The following MACROD2 variants were observed in gnomAD, a reference collection of about 807,000 sequenced individuals.
MACROD2 encodes the protein mono-ADP ribosylhydrolase 2, also known as ADP-ribose glycohydrolase MACROD2.
MACROD2 carries 36 observed loss-of-function variants against 70.4 expected under a neutral mutation model. The observed-to-expected ratio is 0.51, with a 90% CI of 0.39 to 0.68. The LOEUF is 0.68. Ranked by LOEUF, MACROD2 falls within the 30% of genes least tolerant of loss-of-function variation. MACROD2 has a pLI of 0.00. For synonymous variants in MACROD2, 172 were observed against 178.8 expected, an observed-to-expected ratio of 0.96 and a Z score of 0.30; for missense variants, 496 against 538.4, an observed-to-expected ratio of 0.92 and a Z score of 0.78.
chr20:14,836,056 A>C (rs1463773528), intron 5 of MACROD2, among the ~76,000 whole-genome samples: 1 of 152,068 alleles, frequency 6.6e-6, no homozygotes, highest in Non-Finnish European at 1.5e-5. Flanking sequence ...TCCCCCAAAG[A>C]GTAGATTATT....
At chr20:15,653,778 T>C (rs2049683043) in intron 8 of MACROD2, among the ~76,000 whole-genome samples, 1 of 152,136 alleles carries the variant, frequency 6.6e-6, no homozygotes, top group Non-Finnish European at 1.5e-5. Flanking sequence ...CAAGACATCC[T>C]CTTTCTGGGA....
intron 8 of MACROD2, among the ~76,000 whole-genome samples, chr20:15,501,994 T>G (rs2047370693): frequency 6.6e-6 from 1 of 152,204 alleles, no homozygotes. Flanking sequence ...TAAATATTTA[T>G]TGACTCCCCC....
intron 2 of MACROD2, among the ~76,000 whole-genome samples, chr20:14,046,511 C>CTT (rs1221848999): frequency 2.0e-5 from 3 of 152,078 alleles, no homozygotes; most frequent in Admixed American, 6.5e-5. Context: ...TTCAGTATGC[C>CTT]TTTCTCCAGT....
chr20:15,900,610 G>T (rs1343430379), intron 10 of MACROD2, among the ~76,000 whole-genome samples: 1 of 152,176 alleles, frequency 6.6e-6, no homozygotes, highest in Admixed American at 6.5e-5. Context: ...TGTGAGAAGG[G>T]CTGAATCTAC....
chr20:14,169,597 C>A (rs1308601892), intron 3 of MACROD2, among the ~76,000 whole-genome samples: 1 of 152,108 alleles, frequency 6.6e-6, no homozygotes, highest in African/African-American at 2.4e-5. Flanking sequence ...AGCCACTGCA[C>A]CTGGCCAATT....
intron 8 of MACROD2, among the ~76,000 whole-genome samples, chr20:15,797,317 G>A (rs990486891): frequency 6.6e-6 from 1 of 152,126 alleles, no homozygotes; most frequent in African/African-American, 2.4e-5. Flanking sequence ...GGGTTTCACC[G>A]AGTTAGCCAG....
chr20:14,454,875 C>T (rs2084283693), intron 3 of MACROD2, among the ~76,000 whole-genome samples: 1 of 151,786 alleles, frequency 6.6e-6, no homozygotes, highest in Non-Finnish European at 1.5e-5. Context: ...GCCTCAGCCT[C>T]CCTAGTAGCT....
At chr20:15,144,913 A>G (rs1004670622) in intron 5 of MACROD2, among the ~76,000 whole-genome samples, 1 of 152,140 alleles carries the variant, frequency 6.6e-6, no homozygotes, top group Non-Finnish European at 1.5e-5. Context: ...TACCATACTT[A>G]CTATAGTACT....
chr20:15,658,601 G>A (rs1189010545), intron 8 of MACROD2, among the ~76,000 whole-genome samples: 7 of 152,168 alleles, frequency 4.6e-5, no homozygotes, highest in Admixed American at 6.5e-5. Context: ...AGTGGTCATC[G>A]TGTCAGAATC....
chr20:14,885,857 G>T (rs1268644746), intron 5 of MACROD2, among the ~76,000 whole-genome samples: 1 of 152,134 alleles, frequency 6.6e-6, no homozygotes, highest in African/African-American at 2.4e-5. Flanking sequence ...CCTCTGGGAA[G>T]AATTTTATGA....
chr20:14,690,188 G>A (rs1176406346), intron 5 of MACROD2, among the ~76,000 whole-genome samples: 2 of 152,158 alleles, frequency 1.3e-5, no homozygotes, highest in South Asian at 4.1e-4. Flanking sequence ...AGGCTTCAGG[G>A]CTGAATAGTC....
intron 8 of MACROD2, among the ~76,000 whole-genome samples, chr20:15,693,720 A>T (rs966545591): frequency 6.6e-6 from 1 of 152,026 alleles, no homozygotes; most frequent in African/African-American, 2.4e-5. Flanking sequence ...AAAAATTATT[A>T]TTATTATTTT....
Position 15,135,355 on chromosome 20 carries a change from G to C in MACROD2, c.419-94585G>C, listed in dbSNP as rs1020609011. The stretch of plus-strand genomic sequence containing the variant: ...AGCGAATCCAGCAGCACATGAAAAA[G>C]CTTATCCACCATGATCAAGTGGGCT... On this transcript the variant is annotated intron_variant, in intron 5 of 17. Transcript: ENST00000684519. Among the ~76,000 whole-genome samples, 1,193 of 151,968 alleles carry C rather than the reference G, an allele frequency of 7.9e-3. 20 individuals are homozygous for C. The highest frequency in any genetic ancestry group is 0.027 in the African/African-American group (1,137 of 41,446).
chr20:15,235,332 C>T (rs2077004402), intron 6 of MACROD2, among the ~76,000 whole-genome samples: 1 of 152,108 alleles, frequency 6.6e-6, no homozygotes, highest in East Asian at 1.9e-4. Flanking sequence ...TGTATGCTAC[C>T]TGTGATTTCC....
intron 8 of MACROD2, among the ~76,000 whole-genome samples, chr20:15,850,221 T>A (rs1484527274): frequency 6.6e-6 from 1 of 152,010 alleles, no homozygotes; most frequent in Non-Finnish European, 1.5e-5. Context: ...AGCATCACCC[T>A]GGGAAACCAG....
At chr20:14,394,246 A>G (rs577236556) in intron 3 of MACROD2, among the ~76,000 whole-genome samples, 1 of 152,338 alleles carries the variant, frequency 6.6e-6, no homozygotes, top group Admixed American at 6.5e-5. Flanking sequence ...ACCCATGAAG[A>G]TGGAGTTGCT....
intron 3 of MACROD2, among the ~76,000 whole-genome samples, chr20:14,171,159 T>A (rs1313725336): frequency 2.6e-5 from 4 of 152,076 alleles, no homozygotes; most frequent in Admixed American, 2.6e-4. Flanking sequence ...CTTGAATGAC[T>A]TTTTTTGTAT....
chr20:15,056,911 T>C (rs1018553955), intron 5 of MACROD2, among the ~76,000 whole-genome samples: 2 of 152,182 alleles, frequency 1.3e-5, no homozygotes, highest in African/African-American at 4.8e-5. Context: ...AAATAAGTTG[T>C]AACTTTGTTA....
intron 8 of MACROD2, among the ~76,000 whole-genome samples, chr20:15,648,723 A>G (rs983536112): frequency 1.3e-4 from 19 of 149,076 alleles, no homozygotes; most frequent in Non-Finnish European, 2.7e-4. Context: ...TGGATGGTGG[A>G]TGGATGGATG....
Sources: allele counts gnomAD v4.1 joint callset (sites outside exome capture counted in the v4.1 genomes callset), GRCh38; gene constraint gnomAD v4.1.1; transcripts MANE v1.5; gene names NCBI Gene and HGNC (gene_info 2026-07-23, HGNC 2026-07-21).